The following STXBP6 variants were observed in gnomAD, a reference collection of about 807,000 sequenced individuals.
STXBP6 encodes syntaxin-binding protein 6.
A neutral mutation model predicts 26.9 loss-of-function variants in STXBP6; 21 were observed. The ratio of observed to expected loss-of-function variants is 0.78; its 90% CI spans 0.55 to 1.12. The LOEUF (loss-of-function observed/expected upper bound fraction) is 1.12, where lower values mean the gene tolerates loss of function less well. STXBP6 is among the 50% of genes most tolerant of loss of function. The probability of loss-of-function intolerance (pLI) is 0.00; values close to 1 mark genes in which losing one functional copy is unlikely to be tolerated. For synonymous variants in STXBP6, 97 were observed against 92.6 expected (o/e 1.05, Z -0.27); for missense variants, 232 against 257.9 (o/e 0.90, Z 0.69).
chr14:24,936,220 T>C (rs1479548063), intron 2 of STXBP6, among the ~76,000 whole-genome samples: 3 of 152,156 alleles, frequency 2.0e-5, no homozygotes, highest in Non-Finnish European at 4.4e-5. Flanking sequence ...ACACTTGCTG[T>C]TTGCTTTTCA....
At chr14:24,874,052 A>G (rs2070041930) in intron 2 of STXBP6, among the ~76,000 whole-genome samples, 1 of 152,228 alleles carries the variant, frequency 6.6e-6, no homozygotes, top group South Asian at 2.1e-4. Context: ...AACTAAAGTT[A>G]GTATTCACTG....
At chr14:24,859,119 C>T (rs2069444031) in intron 2 of STXBP6, among the ~76,000 whole-genome samples, 1 of 152,104 alleles carries the variant, frequency 6.6e-6, no homozygotes. Flanking sequence ...AGGTAAGTTC[C>T]ATTGAAAGTT....
chr14:25,032,548 C>G (rs754267139), intron 1 of STXBP6, among the ~76,000 whole-genome samples: 77 of 152,236 alleles, frequency 5.1e-4, no homozygotes, highest in Non-Finnish European at 1.0e-3. Flanking sequence ...TTTACCTAAG[C>G]AGGAGCACTC....
chr14:25,001,469 G>T (rs2074759345), intron 1 of STXBP6, among the ~76,000 whole-genome samples: 1 of 152,156 alleles, frequency 6.6e-6, no homozygotes, highest in Non-Finnish European at 1.5e-5. Context: ...TCAGAATAGG[G>T]GTTGGTTGCC....
rs78040927 is a variant in STXBP6 at position 25,042,270 on chromosome 14, TCTTACA to T, written c.-33+7602_-33+7607del. Among the ~76,000 whole-genome samples, 1,226 of 152,264 alleles carry T rather than the reference TCTTACA, an allele frequency of 8.1e-3. 42 individuals carry two copies. The East Asian group carries it at 0.12, about 14-fold the overall frequency. On this transcript the variant is annotated intron_variant, in intron 1 of 5. Transcript: ENST00000323944. ...GCATATACTTTACAGAGGTGCTTCA[TCTTACA>T]GCTCATAATGTCCTCATGCCAATCC...
chr14:24,845,388 T>G (rs1566404168), intron 4 of STXBP6, among the ~76,000 whole-genome samples: 1 of 152,056 alleles, frequency 6.6e-6, no homozygotes, highest in Non-Finnish European at 1.5e-5. Context: ...ACAAATCCCT[T>G]AAGTAAAGAG....
At chr14:24,889,681 T>C (rs1282156048) in intron 2 of STXBP6, among the ~76,000 whole-genome samples, 1 of 152,042 alleles carries the variant, frequency 6.6e-6, no homozygotes, top group Non-Finnish European at 1.5e-5. Flanking sequence ...ATTGTAAAGT[T>C]AGAAACTAAA....
chr14:24,819,442 T>A (rs872979), intron 4 of STXBP6: 74,903 of 588,110 alleles, frequency 0.13, 7,586 homozygotes, highest in African/African-American at 0.41. Context: ...ATCACTGACA[T>A]GCCAGTCATT....
At chr14:24,865,865 C>T (rs908903338) in intron 2 of STXBP6, among the ~76,000 whole-genome samples, 1 of 152,040 alleles carries the variant, frequency 6.6e-6, no homozygotes, top group African/African-American at 2.4e-5. Flanking sequence ...TGAAAGTGAA[C>T]TATTGGACAG....
At chr14:24,993,786 C>T (rs571374806) in intron 1 of STXBP6, among the ~76,000 whole-genome samples, 1 of 152,302 alleles carries the variant, frequency 6.6e-6, no homozygotes, top group East Asian at 1.9e-4. Context: ...GCTGCCCATG[C>T]TTTAAGTACT....
At chr14:24,898,836 G>A (rs2071098017) in intron 2 of STXBP6, among the ~76,000 whole-genome samples, 1 of 152,212 alleles carries the variant, frequency 6.6e-6, no homozygotes, top group African/African-American at 2.4e-5. Context: ...ACACAAGTAT[G>A]TGTATATGCA....
chr14:24,974,521 G>T, intron 2 of STXBP6, 144 bp downstream of exon 2: 1 of 643,134 alleles, frequency 1.6e-6, no homozygotes, highest in Non-Finnish European at 2.4e-6. Flanking sequence ...CACCAGTAAA[G>T]AGGAAGACCA....
intron 1 of STXBP6, among the ~76,000 whole-genome samples, chr14:24,981,121 GCCC>G (rs1245450459): frequency 1.3e-5 from 2 of 152,126 alleles, no homozygotes; most frequent in Non-Finnish European, 2.9e-5. Context: ...ATTTTGTAAA[GCCC>G]TAGTAATGAA....
chr14:25,018,833 C>A (rs2075208094), intron 1 of STXBP6, among the ~76,000 whole-genome samples: 1 of 152,118 alleles, frequency 6.6e-6, no homozygotes, highest in Admixed American at 6.5e-5. Flanking sequence ...GATCAACCAC[C>A]CAGGCCCAAT....
At chr14:24,996,945 C>T (rs2074620428) in intron 1 of STXBP6, among the ~76,000 whole-genome samples, 1 of 147,438 alleles carries the variant, frequency 6.8e-6, no homozygotes, top group African/African-American at 2.5e-5. Flanking sequence ...CCAGAGCATA[C>T]AAAGACACAA....
chr14:24,989,635 G>C (rs1323025426), intron 1 of STXBP6, among the ~76,000 whole-genome samples: 1 of 152,194 alleles, frequency 6.6e-6, no homozygotes, highest in Non-Finnish European at 1.5e-5. Flanking sequence ...TGGCAGTATG[G>C]TGCACGCCTA....
chr14:25,049,297 A>T lies in STXBP6; in HGVS notation c.-33+581T>A. The T allele has an allele frequency of 2.0e-6, 2 of 985,384 alleles. No individual in the cohort carries two copies. Among genetic ancestry groups the T allele is most frequent in the Non-Finnish European group, 2.4e-6 (2 of 829,924 alleles). 61.0% of individuals were successfully genotyped at this position (985,384 alleles called of 1,614,324 possible). A position where few individuals can be genotyped will look rare whatever the true frequency, so the allele number is the denominator to read the frequency against. ...ATTCGGAACCTGGCGCCCTTGACCA[A>T]GCCTGAGATCGGAAAGGGGGCATCG... On this transcript the variant is annotated intron_variant, in intron 1 of 5. Coordinates refer to ENST00000323944, the MANE Select transcript of STXBP6 (RefSeq NM_001394410.1). The surrounding 1 kb of genome is among the most constrained non-coding windows in gnomAD (Gnocchi z 5.6).
chr14:24,818,827 T>C (rs545006327), intron 5 of STXBP6, among the ~76,000 whole-genome samples: 37 of 152,246 alleles, frequency 2.4e-4, no homozygotes, highest in African/African-American at 8.4e-4. Flanking sequence ...GAGATACGGC[T>C]GAGGACATTA....
At chr14:25,005,273 A>G (rs2074862912) in intron 1 of STXBP6, among the ~76,000 whole-genome samples, 1 of 152,220 alleles carries the variant, frequency 6.6e-6, no homozygotes, top group Admixed American at 6.5e-5. Context: ...AAAACACTCA[A>G]GTATGCTAAC....
Sources: gnomAD v4.1 joint callset for allele counts (sites outside exome capture counted in the v4.1 genomes callset) on GRCh38, gnomAD v4.1.1 for gene constraint, Gnocchi (gnomAD v3.1) non-coding constraint, MANE v1.5 for transcripts, NCBI Gene and HGNC (gene_info 2026-07-23, HGNC 2026-07-21) for gene names.